Variants in FAM227B observed in about 807,000 individuals in gnomAD.
FAM227B encodes the protein protein FAM227B.
A neutral mutation model predicts 73.8 loss-of-function variants in FAM227B; 88 were observed. The observed-to-expected ratio is 1.19, with a 90% CI of 1.00 to 1.42. FAM227B has a LOEUF of 1.42. FAM227B is among the 40% of genes most tolerant of loss of function. The pLI is 0.00. For synonymous variants in FAM227B, 210 were observed against 190.5 expected, an observed-to-expected ratio of 1.10 and a Z score of -0.84; for missense variants, 632 against 590.9, an observed-to-expected ratio of 1.07 and a Z score of -0.72.
intron 11 of FAM227B, among the ~76,000 whole-genome samples, chr15:49,491,828 G>A (rs1470569855): frequency 1.3e-5 from 2 of 151,768 alleles, no homozygotes; most frequent in African/African-American, 4.8e-5. Context: ...ATCAAGCACT[G>A]TATGATAAAT....
chr15:49,476,245 T>G (rs1303485858), intron 11 of FAM227B, among the ~76,000 whole-genome samples: 1 of 146,974 alleles, frequency 6.8e-6, no homozygotes, highest in Non-Finnish European at 1.5e-5. Context: ...TTTTTTTTTT[T>G]GCATTTGGCA....
intron 13 of FAM227B, among the ~76,000 whole-genome samples, chr15:49,346,253 C>T (rs1043196341): frequency 6.6e-6 from 1 of 152,178 alleles, no homozygotes; most frequent in Admixed American, 6.5e-5. Context: ...CGCAAGTGCG[C>T]AACAAATGGC....
intron 11 of FAM227B, among the ~76,000 whole-genome samples, chr15:49,413,451 C>T (rs949446119): frequency 2.6e-5 from 4 of 152,072 alleles, no homozygotes; most frequent in African/African-American, 7.2e-5. Flanking sequence ...TGCCCAGTCT[C>T]GGGTATGACT....
intron 10 of FAM227B, among the ~76,000 whole-genome samples, chr15:49,524,407 T>C (rs1245604978): frequency 6.6e-6 from 1 of 152,122 alleles, no homozygotes; most frequent in Non-Finnish European, 1.5e-5. Context: ...AAGTCAAGAA[T>C]TGAGGTTTGG....
intron 11 of FAM227B, among the ~76,000 whole-genome samples, chr15:49,439,308 G>C (rs545179734): frequency 3.8e-4 from 58 of 151,730 alleles, no homozygotes; most frequent in African/African-American, 1.4e-3. Flanking sequence ...GGGAGAAAGA[G>C]AGAGAGAAAG....
chr15:49,607,651 A>G (rs1871117302), intron 3 of FAM227B, among the ~76,000 whole-genome samples: 1 of 152,218 alleles, frequency 6.6e-6, no homozygotes, highest in African/African-American at 2.4e-5. Context: ...ATATTGAAAT[A>G]TTATGAGCTG....
At chr15:49,588,579 A>C (rs2076325904) in intron 4 of FAM227B, among the ~76,000 whole-genome samples, 1 of 124,490 alleles carries the variant, frequency 8.0e-6, no homozygotes, top group Non-Finnish European at 1.7e-5. Flanking sequence ...ATATATATAT[A>C]TATATATATA....
At chr15:49,330,189 G>A (rs914019637) in intron 15 of FAM227B, 9 of 152,248 alleles carry the variant, frequency 5.9e-5, no homozygotes, top group African/African-American at 2.2e-4. Context: ...TATGGGTATA[G>A]GCAAACATGG....
At chr15:49,355,767 C>T (rs1439100778) in intron 13 of FAM227B, among the ~76,000 whole-genome samples, 2 of 151,746 alleles carry the variant, frequency 1.3e-5, no homozygotes, top group East Asian at 3.9e-4. Context: ...TCGAGAAGAG[C>T]AACTCCAAGA....
At chr15:49,494,743 T>G (rs1490739211) in intron 11 of FAM227B, among the ~76,000 whole-genome samples, 1 of 152,172 alleles carries the variant, frequency 6.6e-6, no homozygotes, top group African/African-American at 2.4e-5. Context: ...GGATACTGTT[T>G]TGTTCCCTTA....
intron 4 of FAM227B, among the ~76,000 whole-genome samples, chr15:49,588,784 C>T (rs2076350101): frequency 1.3e-5 from 2 of 150,138 alleles, no homozygotes; most frequent in South Asian, 2.1e-4. Flanking sequence ...AGAAGCTATA[C>T]ATAACTTTTA....
rs144149602 is a variant in FAM227B at position 49,453,378 on chromosome 15, A to G, written c.1012+54833T>C. 1.1e-4 allele frequency among the ~76,000 whole-genome samples: 16 copies of G among 152,280 alleles called. No homozygotes were observed. In the East Asian group the frequency reaches 3.1e-3, roughly 29 times the overall value. Reference sequence around the variant, plus strand: ...CTCCGCCTCCCAAAGTGTTGAGATTACAGGCATGCGCCACCGTGCCTGGCC... The same window carrying G: ...CTCCGCCTCCCAAAGTGTTGAGATTGCAGGCATGCGCCACCGTGCCTGGCC... On this transcript the variant is annotated intron_variant, in intron 11 of 15. Coordinates refer to ENST00000299338, the MANE Select transcript of FAM227B (RefSeq NM_152647.3).
chr15:49,433,902 A>G (rs1368314218), intron 11 of FAM227B, among the ~76,000 whole-genome samples: 45 of 151,774 alleles, frequency 3.0e-4, no homozygotes, highest in Admixed American at 2.9e-3. Context: ...AAAAAGAGAA[A>G]AAGTCTTTAA....
intron 13 of FAM227B, among the ~76,000 whole-genome samples, chr15:49,358,902 G>A (rs1320633252): frequency 6.8e-6 from 1 of 147,830 alleles, no homozygotes; most frequent in Non-Finnish European, 1.5e-5. Flanking sequence ...ATAGATCAAT[G>A]GAACAGAACA....
chr15:49,544,621 A>C (rs1227857309), intron 9 of FAM227B, among the ~76,000 whole-genome samples: 1 of 152,144 alleles, frequency 6.6e-6, no homozygotes, highest in Non-Finnish European at 1.5e-5. Context: ...CTCCCCATTC[A>C]GTATAATGTT....
intron 11 of FAM227B, among the ~76,000 whole-genome samples, chr15:49,464,439 T>C (rs903758351): frequency 2.0e-5 from 3 of 152,176 alleles, no homozygotes; most frequent in Non-Finnish European, 4.4e-5. Context: ...TATGTACGTG[T>C]AGTGAAAATT....
chr15:49,469,288 T>C (rs998499205), intron 11 of FAM227B, among the ~76,000 whole-genome samples: 2 of 152,190 alleles, frequency 1.3e-5, no homozygotes, highest in Non-Finnish European at 2.9e-5. Context: ...TTATACCACT[T>C]ATCGAATACT....
chr15:49,329,634 T>C (rs1261196460), intron 15 of FAM227B: 1 of 984,886 alleles, frequency 1.0e-6, no homozygotes, highest in Admixed American at 6.1e-5. Context: ...GAAAGGTAAA[T>C]GCTTGAGAAA....
At chr15:49,395,460 C>G (rs956604843) in intron 11 of FAM227B, among the ~76,000 whole-genome samples, 2 of 152,194 alleles carry the variant, frequency 1.3e-5, no homozygotes, top group Non-Finnish European at 2.9e-5. Flanking sequence ...TGAGCTGTCA[C>G]TCTCAGTTAT....
Sources: allele counts gnomAD v4.1 joint callset (sites outside exome capture counted in the v4.1 genomes callset), GRCh38; gene constraint gnomAD v4.1.1; transcripts MANE v1.5; gene names NCBI Gene and HGNC (gene_info 2026-07-23, HGNC 2026-07-21).